MGAM: variants seen among roughly 807,000 people sequenced by gnomAD.
The protein encoded by MGAM is maltase-glucoamylase.
In MGAM, 253 loss-of-function variants were observed where a neutral mutation model predicts 358.8. That is an observed-to-expected ratio of 0.71 (90% confidence interval 0.64 to 0.78). The LOEUF is 0.78. MGAM is among the 30% of genes least tolerant of loss of function. The pLI is 0.00. For missense variants in MGAM, 3,080 were observed against 3,432.6 expected (o/e 0.90, Z 2.57); for synonymous variants, 1,105 against 1,227.1 (o/e 0.90, Z 2.08).
chr7:142,041,933 A>AT (rs1554468876), intron 21 of MGAM, among the ~76,000 whole-genome samples: 1 of 22,980 alleles, frequency 4.4e-5, no homozygotes, highest in Non-Finnish European at 6.7e-5. Context: ...TATATAATAT[A>AT]TATATTATAT....
chr7:142,094,876 C>A lies in MGAM; in HGVS notation c.7458+13C>A. On this transcript the variant is annotated intron_variant, in intron 63 of 70. Coordinates refer to ENST00000475668, the MANE Select transcript of MGAM (RefSeq NM_001365693.1). ...CATTGGGACCAGGGTAGGACAGTGG[C>A]CCCTACCTCCAGTGTTTCACTTGAA... 1 of 1,608,976 alleles carries A rather than the reference C, an allele frequency of 6.2e-7. No individual in the cohort carries two copies. Among genetic ancestry groups the A allele is most frequent in the Middle Eastern group, 1.7e-4 (1 of 6,054 alleles).
rs2077725398 is a variant in MGAM at position 142,090,794 on chromosome 7, C to T, written c.6811-1119C>T. Among the ~76,000 whole-genome samples, 2 of 146,508 alleles carry T rather than the reference C, an allele frequency of 1.4e-5. 1 individual carries two copies. The highest frequency in any genetic ancestry group is 3.1e-5 in the Non-Finnish European group (2 of 64,730). ...AAGGACCATAATGTTCCGTAACAAG[C>T]AACATTTATTTGCTGCTTCGAAGTG... On this transcript the variant is annotated intron_variant, in intron 57 of 70. Transcript: ENST00000475668.
chr7:142,065,964 TTTTG>T (rs1812711906), intron 40 of MGAM, 133 bp downstream of exon 40: 2 of 754,710 alleles, frequency 2.7e-6, no homozygotes, highest in African/African-American at 2.2e-5. Context: ...TTTTGTTTTG[TTTTG>T]TTTTTTTTTT....
intron 1 of MGAM, among the ~76,000 whole-genome samples, chr7:141,997,443 A>AT (rs1804343881): frequency 6.6e-6 from 1 of 152,284 alleles, no homozygotes; most frequent in Admixed American, 6.5e-5. Context: ...GCCAATGATT[A>AT]TTTTTTATTA....
intron 42 of MGAM, among the ~76,000 whole-genome samples, 170 bp downstream of exon 42, chr7:142,067,595 C>G (rs1181742097): frequency 1.4e-5 from 1 of 72,664 alleles, no homozygotes; most frequent in Non-Finnish European, 4.2e-5. Flanking sequence ...GTTCTTGGCA[C>G]TCAGCTCCTT....
chr7:142,062,640 G>A lies in MGAM; in HGVS notation c.4195G>A (p.Glu1399Lys), dbSNP rs770154533. 18 of 1,612,890 alleles carry A rather than the reference G, an allele frequency of 1.1e-5. No individual in the cohort carries two copies. Among genetic ancestry groups the A allele is most frequent in the Admixed American group, 6.7e-5 (4 of 59,956 alleles). ...STAKWWKREI[E>K]ELYNNPQNPE... ...TGCCAAGTGGTGGAAGAGGGAAATAGAAGAACTATACAACAATCCACAGAA... is the reference window on the plus strand; with the variant it reads ...TGCCAAGTGGTGGAAGAGGGAAATAAAAGAACTATACAACAATCCACAGAA... Residue 1399 changes from glutamate (E) to lysine (K), a missense_variant, in exon 35 of 71, where the codon GAA becomes AAA. Glu to Lys is a moderately conservative substitution (Grantham distance 56). This residue lies in a region of MGAM where 1,816 missense variants were observed against 1,840.5 expected (regional missense o/e 0.99). Transcript: ENST00000475668.
intron 30 of MGAM, among the ~76,000 whole-genome samples, chr7:142,057,864 A>T (rs1811711104): frequency 6.6e-6 from 1 of 152,070 alleles, no homozygotes; most frequent in South Asian, 2.1e-4. Flanking sequence ...GCACTAAGAG[A>T]TTACTTAATT....
intron 47 of MGAM, 128 bp from the exon 48 acceptor site, chr7:142,078,190 C>G: frequency 1.3e-6 from 1 of 765,438 alleles, no homozygotes; most frequent in Non-Finnish European, 2.0e-6. Flanking sequence ...TGATATGTTG[C>G]TTGGATGGTT....
At position 142,094,501 on chromosome 7, in the gene MGAM, C is replaced by T. The variant is rs772651055; in HGVS notation, c.7306+4C>T. 179 of 1,547,216 alleles carry T rather than the reference C, an allele frequency of 1.2e-4. 18 individuals carry two copies. Among genetic ancestry groups the T allele is most frequent in the Non-Finnish European group, 1.2e-4 (138 of 1,127,640 alleles). ...CAGCTGAAGAAGTCTATCATTGGTG[C>T]GTGGGTCCTTCCCAGGGCCTGTGCC... On this transcript the variant is annotated splice_donor_region_variant and intron_variant, in intron 61 of 70. Transcript: ENST00000475668.
intron 24 of MGAM, among the ~76,000 whole-genome samples, chr7:142,051,788 C>A (rs1810994068): frequency 6.6e-6 from 1 of 151,906 alleles, no homozygotes. Context: ...AATATGCATA[C>A]CTACTATATA....
intron 1 of MGAM, among the ~76,000 whole-genome samples, chr7:142,005,059 A>G (rs2128982027): frequency 6.6e-6 from 1 of 152,178 alleles, no homozygotes; most frequent in East Asian, 1.9e-4. Flanking sequence ...TACAGAACAA[A>G]TTCTGTTTAT....
chr7:142,081,920 T>A, intron 50 of MGAM, 122 bp from the exon 51 acceptor site: 1 of 1,031,310 alleles, frequency 9.7e-7, no homozygotes, highest in South Asian at 1.4e-5. Context: ...GTTTCAGTTT[T>A]GTTTGGGAGA....
At chr7:142,082,914 G>T (rs555043047) in intron 52 of MGAM, among the ~76,000 whole-genome samples, 1 of 146,024 alleles carries the variant, frequency 6.8e-6, no homozygotes, top group Admixed American at 6.9e-5. Flanking sequence ...TTGTGAGGGT[G>T]TATGGTATGT....
At chr7:142,091,196 G>A (rs1389202840) in intron 57 of MGAM, among the ~76,000 whole-genome samples, 3 of 141,504 alleles carry the variant, frequency 2.1e-5, no homozygotes, top group Non-Finnish European at 4.8e-5. Context: ...TCAGTGAGCC[G>A]AGGTAGCACC....
chr7:141,997,574 C>T (rs1185719890), intron 1 of MGAM, among the ~76,000 whole-genome samples: 6 of 152,126 alleles, frequency 3.9e-5, no homozygotes, highest in African/African-American at 1.4e-4. Flanking sequence ...CAGGTGGCAG[C>T]TGTGGAATGT....
intron 47 of MGAM, 136 bp downstream of exon 47, chr7:142,076,962 C>A (rs1813803446): frequency 2.0e-6 from 2 of 989,016 alleles, no homozygotes; most frequent in Admixed American, 2.6e-5. Context: ...GAGAGGGCAC[C>A]TTTGATGCCT....
chr7:142,030,221 T>C, intron 10 of MGAM, 141 bp from the exon 11 acceptor site: 1 of 898,224 alleles, frequency 1.1e-6, no homozygotes, highest in Non-Finnish European at 1.6e-6. Flanking sequence ...AAAGAAGTAC[T>C]CAGATGCCAG....
In MGAM at chr7:142,059,904, C is replaced by G. The variant is rs184974986; in HGVS notation, c.3997C>G (p.Arg1333Gly). 6.2e-7 allele frequency: 1 copy of G among 1,611,260 alleles called. No homozygotes were observed. The highest frequency in any genetic ancestry group is 2.2e-5 in the East Asian group (1 of 44,794). The change falls in exon 33 of 71, where the codon CGG becomes GGG. Residue 1333 changes from arginine (R) to glycine (G), a missense_variant. Arg to Gly is a moderately radical substitution (Grantham distance 125, BLOSUM62 -2). This residue lies in a region of MGAM where 1,816 missense variants were observed against 1,840.5 expected (regional missense o/e 0.99). Transcript: ENST00000475668. ...NETQPYPAFT[R>G]GVEDDVFIKY... ...GACACAGCCTTATCCTGCCTTCACT[C>G]GGGGCGTGGAGGATGACGTCTTCAT...
chr7:142,040,032 G>T, intron 19 of MGAM, 83 bp from the exon 20 acceptor site: 1 of 1,048,048 alleles, frequency 9.5e-7, no homozygotes, highest in South Asian at 1.4e-5. Context: ...TGCCCTCTCT[G>T]TGTATGATTA....
Sources: gnomAD v4.1 joint callset for allele counts (sites outside exome capture counted in the v4.1 genomes callset) on GRCh38, gnomAD v4.1.1 for gene constraint, gnomAD v4.1.1 regional missense constraint, MANE v1.5 for transcripts, NCBI Gene and HGNC (gene_info 2026-07-23, HGNC 2026-07-21) for gene names.